Variants in RAB35 observed in about 807,000 individuals in gnomAD.
The protein encoded by RAB35 is ras-related protein Rab-35.
A neutral mutation model predicts 28.9 loss-of-function variants in RAB35; 4 were observed. The observed-to-expected ratio is 0.14, with a 90% CI of 0.07 to 0.32. RAB35 has a LOEUF of 0.32. Among genes scored for constraint, RAB35 ranks in the 10% least tolerant of loss-of-function variants. RAB35 has a pLI of 1.00. For synonymous variants in RAB35, 99 were observed against 105.1 expected (o/e 0.94, Z 0.35); for missense variants, 128 against 274.0 (o/e 0.47, Z 3.76).
intron 3 of RAB35, among the ~76,000 whole-genome samples, chr12:120,102,141 C>A (rs1875684169): frequency 6.6e-6 from 1 of 152,214 alleles, no homozygotes; most frequent in Non-Finnish European, 1.5e-5. Context: ...GTGCCCCCAA[C>A]CTCTGCCCCA....
At chr12:120,112,929 C>G (rs544853667) in intron 1 of RAB35, among the ~76,000 whole-genome samples, 2 of 148,862 alleles carry the variant, frequency 1.3e-5, no homozygotes, top group Non-Finnish European at 3.0e-5. Flanking sequence ...TCGCTCTTGT[C>G]CCCCAGGCTG....
intron 1 of RAB35, among the ~76,000 whole-genome samples, chr12:120,114,660 C>T (rs1876257080): frequency 6.6e-6 from 1 of 152,220 alleles, no homozygotes; most frequent in South Asian, 2.1e-4. Flanking sequence ...CATGGCTGAC[C>T]TAGGAGCTAG....
At chr12:120,099,359 C>T (rs368020964) in intron 3 of RAB35, 25 of 660,302 alleles carry the variant, frequency 3.8e-5, no homozygotes, top group South Asian at 1.9e-4. Context: ...TCCCCCTGCC[C>T]GCCCGGGGCA....
At chr12:120,113,623 A>G (rs12815152) in intron 1 of RAB35, among the ~76,000 whole-genome samples, 1 of 152,178 alleles carries the variant, frequency 6.6e-6, no homozygotes, top group South Asian at 2.1e-4. Flanking sequence ...TAGAGACCAT[A>G]CTGGCTAAAA....
intron 1 of RAB35, among the ~76,000 whole-genome samples, chr12:120,111,880 T>C (rs910454662): frequency 6.6e-6 from 1 of 151,864 alleles, no homozygotes; most frequent in Admixed American, 6.6e-5. Flanking sequence ...ACACCATCAG[T>C]GTCAGGGCAG....
chr12:120,101,043 C>G (rs1304797917), intron 3 of RAB35, among the ~76,000 whole-genome samples: 1 of 152,226 alleles, frequency 6.6e-6, no homozygotes, highest in East Asian at 1.9e-4. Context: ...GCGCCTCTGC[C>G]TCATCCGGGG....
chr12:120,108,716 T>G, intron 1 of RAB35: 1 of 644,998 alleles, frequency 1.6e-6, no homozygotes, highest in East Asian at 3.1e-5. Flanking sequence ...GGGGGAGAGA[T>G]GAGAAAGGGA....
chr12:120,116,699 G>A lies in RAB35; in HGVS notation c.-49C>T. ...GGCGGGCGGGGTCGGTACTGGCCTC[G>A]CGATCCGCAGCTCCCTTCGGGCTGC... On this transcript the variant is annotated 5_prime_UTR_variant, in exon 1 of 6. Transcript: ENST00000229340. 1 of 1,219,656 alleles carries A rather than the reference G, an allele frequency of 8.2e-7. No individual in the cohort carries two copies. Among genetic ancestry groups the A allele is most frequent in the Non-Finnish European group, 1.0e-6 (1 of 979,890 alleles). 75.6% of individuals were successfully genotyped at this position (1,219,656 alleles called of 1,614,324 possible).
At chr12:120,110,113 T>A (rs990664807) in intron 1 of RAB35, among the ~76,000 whole-genome samples, 8 of 152,012 alleles carry the variant, frequency 5.3e-5, no homozygotes, top group African/African-American at 1.9e-4. Context: ...CTCCTCCCAA[T>A]ACACATTGCT....
At chr12:120,099,348 C>CT (rs11448259) in intron 3 of RAB35, 194 bp from the exon 4 acceptor site, 48,759 of 704,990 alleles carry the variant, frequency 0.069, 2,331 homozygotes, top group African/African-American at 0.18. Flanking sequence ...GCAGCACTGA[C>CT]TCCCCCTGCC....
chr12:120,104,390 T>C (rs1875784604), intron 2 of RAB35, among the ~76,000 whole-genome samples: 1 of 152,150 alleles, frequency 6.6e-6, no homozygotes, highest in Non-Finnish European at 1.5e-5. Context: ...GGTCATGAGC[T>C]GCAGTCTGAA....
intron 2 of RAB35, among the ~76,000 whole-genome samples, chr12:120,105,060 C>T (rs1194341826): frequency 6.6e-6 from 1 of 152,118 alleles, no homozygotes; most frequent in Non-Finnish European, 1.5e-5. Context: ...GTGCAGGAGA[C>T]ACCACACACA....
At position 120,103,577 on chromosome 12, in the gene RAB35, T is replaced by C. The variant is rs559065606; in HGVS notation, c.227+249A>G. Among the ~76,000 whole-genome samples the C allele has an allele frequency of 1.6e-4, 25 of 152,274 alleles. No homozygotes were observed. The highest frequency in any genetic ancestry group is 3.2e-4 in the Non-Finnish European group (22 of 68,024). ...AGGGTCGGCTGACTCTCCAAGGAGA[T>C]AGAACATGGCCACTGTCCGGCCAGA... On this transcript the variant is annotated intron_variant, in intron 3 of 5. Transcript: ENST00000229340. This position sits in a 1 kb window ranked among gnomAD's most constrained non-coding sequence, Gnocchi z 6.1.
chr12:120,112,104 G>A (rs940935381), intron 1 of RAB35, among the ~76,000 whole-genome samples: 1 of 152,056 alleles, frequency 6.6e-6, no homozygotes, highest in African/African-American at 2.4e-5. Flanking sequence ...AGCCTCCGGA[G>A]TAGCTGGGAT....
In RAB35 at chr12:120,097,202, G is replaced by C. The variant is rs369855756; in HGVS notation, c.*43C>G. ...AGGAACCTCCGTGGGCCTCGGGCTG[G>C]GGGAGGGACCGCAGTGCAGTCTCTG... is the stretch of plus-strand genomic sequence containing the variant. On this transcript the variant is annotated 3_prime_UTR_variant, in exon 6 of 6. Transcript: ENST00000229340. The C allele has an allele frequency of 8.9e-5, 144 of 1,614,012 alleles. No homozygotes were observed. Among genetic ancestry groups the C allele is most frequent in the Non-Finnish European group, 1.2e-4 (137 of 1,180,018 alleles).
intron 3 of RAB35, among the ~76,000 whole-genome samples, chr12:120,101,959 C>T (rs915702033): frequency 1.3e-5 from 2 of 150,420 alleles, no homozygotes; most frequent in Non-Finnish European, 2.9e-5. Context: ...GAGCCTCGGA[C>T]CCCCCAGGCC....
chr12:120,102,702 C>T (rs1483241002), intron 3 of RAB35, among the ~76,000 whole-genome samples: 2 of 152,208 alleles, frequency 1.3e-5, no homozygotes, highest in Non-Finnish European at 2.9e-5. Flanking sequence ...TTCCCACCCT[C>T]GGGAGATGCC....
At chr12:120,100,612 T>TG (rs1251658171) in intron 3 of RAB35, among the ~76,000 whole-genome samples, 1 of 152,148 alleles carries the variant, frequency 6.6e-6, no homozygotes, top group African/African-American at 2.4e-5. Flanking sequence ...TGCCCAGCCC[T>TG]GGGACAAAGC....
chr12:120,105,243 T>C (rs531139453), intron 2 of RAB35, among the ~76,000 whole-genome samples: 3 of 151,850 alleles, frequency 2.0e-5, no homozygotes, highest in South Asian at 2.1e-4. Context: ...CAAAAGCAAA[T>C]AGCTGAGGAT....
Sources: allele counts gnomAD v4.1 joint callset (sites outside exome capture counted in the v4.1 genomes callset), GRCh38; gene constraint gnomAD v4.1.1; non-coding constraint Gnocchi (gnomAD v3.1); transcripts MANE v1.5; gene names NCBI Gene and HGNC (gene_info 2026-07-23, HGNC 2026-07-21).